The following FBXL17 variants were observed in gnomAD, a reference collection of about 807,000 sequenced individuals.
FBXL17 encodes the protein F-box and leucine rich repeat protein 17, also known as F-box/LRR-repeat protein 17.
Under a neutral mutation model 66.2 loss-of-function variants are expected in FBXL17, and 22 were observed. That is an observed-to-expected ratio of 0.33 (90% CI 0.24 to 0.47). The LOEUF (loss-of-function observed/expected upper bound fraction) is 0.47, where lower values mean the gene tolerates loss of function less well. Among genes scored for constraint, FBXL17 ranks in the 20% least tolerant of loss-of-function variants. The probability of loss-of-function intolerance (pLI) is 1.00; values close to 1 mark genes in which losing one functional copy is unlikely to be tolerated. For synonymous variants in FBXL17, 474 were observed against 400.5 expected, an observed-to-expected ratio of 1.18 and a Z score of -2.19; for missense variants, 878 against 948.2, an observed-to-expected ratio of 0.93 and a Z score of 0.97.
intron 4 of FBXL17, chr5:108,298,602 A>G: frequency 4.2e-6 from 4 of 945,694 alleles, no homozygotes; most frequent in African/African-American, 1.8e-5. Flanking sequence ...AAAAAAATAT[A>G]AATCTTTTTT....
At chr5:108,334,738 C>T (rs1403562320) in intron 4 of FBXL17, among the ~76,000 whole-genome samples, 1 of 152,044 alleles carries the variant, frequency 6.6e-6, no homozygotes, top group Non-Finnish European at 1.5e-5. Context: ...AAATCCTTTT[C>T]CAGGAGAAAA....
At chr5:108,126,102 C>T (rs1750686666) in intron 6 of FBXL17, among the ~76,000 whole-genome samples, 1 of 151,998 alleles carries the variant, frequency 6.6e-6, no homozygotes, top group South Asian at 2.1e-4. Context: ...GGTGCAGAGG[C>T]AAGTAGTTTC....
intron 5 of FBXL17, among the ~76,000 whole-genome samples, chr5:108,191,516 C>T (rs1753470217): frequency 6.6e-6 from 1 of 152,070 alleles, no homozygotes; most frequent in African/African-American, 2.4e-5. Context: ...GCTGCTTGTG[C>T]CAGTTCAGTC....
intron 4 of FBXL17, among the ~76,000 whole-genome samples, chr5:108,272,656 T>C (rs1285771314): frequency 6.6e-6 from 1 of 152,134 alleles, no homozygotes; most frequent in Non-Finnish European, 1.5e-5. Flanking sequence ...ACCCGGCCAT[T>C]AGCTACAATT....
At chr5:108,349,008 G>C (rs1747471871) in intron 3 of FBXL17, among the ~76,000 whole-genome samples, 1 of 152,020 alleles carries the variant, frequency 6.6e-6, no homozygotes, top group Non-Finnish European at 1.5e-5. Context: ...GTCTCGCTAT[G>C]TTACCCAGAC....
At chr5:108,309,754 T>C (rs796979300) in intron 4 of FBXL17, among the ~76,000 whole-genome samples, 5 of 152,166 alleles carry the variant, frequency 3.3e-5, no homozygotes, top group African/African-American at 1.2e-4. Context: ...ATTTTTGTAT[T>C]TGGGTGGTGG....
chr5:107,935,157 G>A (rs1307536631), intron 7 of FBXL17, among the ~76,000 whole-genome samples: 1 of 151,906 alleles, frequency 6.6e-6, no homozygotes, highest in African/African-American at 2.4e-5. Flanking sequence ...TACTGAAGAT[G>A]CAAAGTTTGC....
chr5:107,871,066 A>G (rs1748436216), intron 8 of FBXL17, among the ~76,000 whole-genome samples: 1 of 147,604 alleles, frequency 6.8e-6, no homozygotes, highest in African/African-American at 2.5e-5. Flanking sequence ...GCAAAAAAAA[A>G]AAAAAAAAAA....
rs1391228692 is a variant in FBXL17 at position 108,369,971 on chromosome 5, G to A, written c.994-2018C>T. ...AGTTCAGGGTTGCAGGTGACCAGAG[G>A]TCAGGGCACAAGGTAGGAACCAGCA... On this transcript the variant is annotated intron_variant, in intron 1 of 8. Transcript: ENST00000542267. Among the ~76,000 whole-genome samples, 7 of 152,254 alleles carry A rather than the reference G, an allele frequency of 4.6e-5. No homozygotes were observed. In the East Asian group the frequency reaches 1.2e-3, roughly 25 times the overall value.
intron 6 of FBXL17, among the ~76,000 whole-genome samples, chr5:108,110,380 GAT>G (rs1185968308): frequency 6.6e-6 from 1 of 152,070 alleles, no homozygotes; most frequent in East Asian, 1.9e-4. Flanking sequence ...TTCTTAACTA[GAT>G]ATTAATGGAA....
chr5:107,897,647 G>T (rs1276800233), intron 7 of FBXL17, among the ~76,000 whole-genome samples: 1 of 152,036 alleles, frequency 6.6e-6, no homozygotes, highest in African/African-American at 2.4e-5. Context: ...TCAACCTCTA[G>T]ATCAGGAAAT....
At chr5:108,127,430 C>T (rs1416614305) in intron 6 of FBXL17, among the ~76,000 whole-genome samples, 1 of 152,154 alleles carries the variant, frequency 6.6e-6, no homozygotes, top group African/African-American at 2.4e-5. Context: ...TATGAAATTA[C>T]CATTAGTGCT....
At chr5:108,070,547 C>T (rs931993271) in intron 6 of FBXL17, among the ~76,000 whole-genome samples, 5 of 152,166 alleles carry the variant, frequency 3.3e-5, no homozygotes, top group Admixed American at 6.5e-5. Context: ...GATGCATCTG[C>T]TTTTCTTACT....
chr5:107,887,348 A>C (rs1749008542), intron 7 of FBXL17, among the ~76,000 whole-genome samples: 1 of 152,196 alleles, frequency 6.6e-6, no homozygotes, highest in African/African-American at 2.4e-5. Flanking sequence ...CTAAAAATAC[A>C]TTTCCTCCTC....
chr5:108,160,084 G>A (rs1398721677), intron 6 of FBXL17, among the ~76,000 whole-genome samples: 1 of 152,022 alleles, frequency 6.6e-6, no homozygotes, highest in Non-Finnish European at 1.5e-5. Flanking sequence ...AAATAAAAGG[G>A]CTAACCAGTG....
intron 4 of FBXL17, among the ~76,000 whole-genome samples, chr5:108,244,030 G>A (rs1325358943): frequency 6.6e-6 from 1 of 152,030 alleles, no homozygotes; most frequent in Non-Finnish European, 1.5e-5. Flanking sequence ...TTAGACTTTC[G>A]AACTGTCTAT....
intron 4 of FBXL17, among the ~76,000 whole-genome samples, chr5:108,290,381 T>G (rs1401493221): frequency 6.6e-6 from 1 of 152,186 alleles, no homozygotes; most frequent in Non-Finnish European, 1.5e-5. Flanking sequence ...GTTGTTTTTT[T>G]ACCCCATGTC....
chr5:108,336,206 C>T (rs980918230), intron 4 of FBXL17, among the ~76,000 whole-genome samples: 2 of 152,186 alleles, frequency 1.3e-5, no homozygotes, highest in South Asian at 2.1e-4. Flanking sequence ...TTAAAAAACA[C>T]TTGCCAGTGT....
At chr5:108,171,555 C>T (rs1752606665) in intron 6 of FBXL17, among the ~76,000 whole-genome samples, 1 of 152,142 alleles carries the variant, frequency 6.6e-6, no homozygotes, top group South Asian at 2.1e-4. Flanking sequence ...ATAAAATTCC[C>T]CACATAGGGC....
Sources: allele counts gnomAD v4.1 joint callset (sites outside exome capture counted in the v4.1 genomes callset), GRCh38; gene constraint gnomAD v4.1.1; transcripts MANE v1.5; gene names NCBI Gene and HGNC (gene_info 2026-07-23, HGNC 2026-07-21).